The following COXFA4 variants were observed in gnomAD, a reference collection of about 807,000 sequenced individuals.
The protein encoded by COXFA4 is cytochrome c oxidase subunit FA4.
chr7:10,935,415 G>A, the COXFA4 span, among the ~76,000 whole-genome samples: 1 of 152,166 alleles, frequency 6.6e-6, no homozygotes, highest in Non-Finnish European at 1.5e-5. Flanking sequence ...GGCCTTTAAT[G>A]CTCAAATCTT....
At chr7:10,934,266 C>T in the COXFA4 span, among the ~76,000 whole-genome samples, 15 of 151,800 alleles carry the variant, frequency 9.9e-5, no homozygotes, top group Non-Finnish European at 2.1e-4. Context: ...GACACTTCAA[C>T]TCTGGTAATG....
chr7:10,932,711 T>G, the COXFA4 span: 6 of 152,170 alleles, frequency 3.9e-5, no homozygotes, highest in African/African-American at 1.4e-4. Context: ...GGCTCACGCC[T>G]GTAATCCCAG....
At chr7:10,938,323 A>G in the COXFA4 span, 26 of 589,710 alleles carry the variant, frequency 4.4e-5, no homozygotes, top group Admixed American at 3.4e-4. Flanking sequence ...CATGTAATCA[A>G]TTAGAAAAAA....
At chr7:10,934,984 T>G in the COXFA4 span, among the ~76,000 whole-genome samples, 1 of 152,222 alleles carries the variant, frequency 6.6e-6, no homozygotes, top group African/African-American at 2.4e-5. Flanking sequence ...CAGGTATATA[T>G]TAAGGACAGG....
chr7:10,938,182 A>G, the COXFA4 span: 1 of 1,565,628 alleles, frequency 6.4e-7, no homozygotes, highest in African/African-American at 1.4e-5. Context: ...TGTTATAATA[A>G]TAAAGCACTA....
chr7:10,932,516 C>T, the COXFA4 span: 2 of 152,242 alleles, frequency 1.3e-5, no homozygotes, highest in Non-Finnish European at 2.9e-5. Flanking sequence ...TGTGCTTCTA[C>T]TACCCTGTAA....
chr7:10,935,535 G>A, the COXFA4 span, among the ~76,000 whole-genome samples: 4 of 152,200 alleles, frequency 2.6e-5, no homozygotes, highest in African/African-American at 9.6e-5. Context: ...CAAAATTCAT[G>A]TTGTAACCTC....
the COXFA4 span, among the ~76,000 whole-genome samples, chr7:10,936,401 C>A: frequency 3.9e-5 from 6 of 152,334 alleles, no homozygotes; most frequent in African/African-American, 1.2e-4. Flanking sequence ...TTGAACTACA[C>A]ATACCCATAG....
At chr7:10,934,373 CT>C in the COXFA4 span, among the ~76,000 whole-genome samples, 2 of 101,610 alleles carry the variant, frequency 2.0e-5, no homozygotes, top group Admixed American at 1.9e-4. Flanking sequence ...ACTGTGATTG[CT>C]TTAAAAAAAA....
At chr7:10,940,015 C>T in the COXFA4 span, 3 of 1,613,864 alleles carry the variant, frequency 1.9e-6, no homozygotes, top group Non-Finnish European at 2.5e-6. Flanking sequence ...CACGAACTTA[C>T]GCTCGGATGC....
the COXFA4 span, chr7:10,940,151 TC>T: frequency 7.7e-7 from 1 of 1,300,188 alleles, no homozygotes. Flanking sequence ...ACTACGGACT[TC>T]CAAAGTCACC....
chr7:10,939,111 T>G, the COXFA4 span: 1 of 485,504 alleles, frequency 2.1e-6, no homozygotes, highest in African/African-American at 2.0e-5. Context: ...GATGTTAAGA[T>G]GACTCTGGTT....
At chr7:10,933,614 G>C in the COXFA4 span, 1 of 1,596,336 alleles carries the variant, frequency 6.3e-7, no homozygotes, top group Non-Finnish European at 8.6e-7. Context: ...TTCTAAAGCA[G>C]CGTTATAGTG....
the COXFA4 span, chr7:10,938,200 T>A: frequency 1.4e-6 from 2 of 1,458,802 alleles, no homozygotes; most frequent in Non-Finnish European, 1.9e-6. Context: ...CTATTTAGTG[T>A]TTTGTACTAA....
the COXFA4 span, chr7:10,939,945 G>C: frequency 5.8e-6 from 9 of 1,554,638 alleles, no homozygotes; most frequent in Non-Finnish European, 8.0e-6. Flanking sequence ...ACGTTCCCAG[G>C]GAACAGAAAG....
chr7:10,932,234 A>G, the COXFA4 span: 1 of 152,198 alleles, frequency 6.6e-6, no homozygotes, highest in Non-Finnish European at 1.5e-5. Context: ...GGTCTGCTAA[A>G]CCAAACTGTC....
the COXFA4 span, chr7:10,939,290 A>T: frequency 4.4e-6 from 1 of 224,916 alleles, no homozygotes; most frequent in Non-Finnish European, 9.0e-6. Flanking sequence ...AAATTATTTA[A>T]GGGTGCCTCT....
At chr7:10,938,042 T>C in the COXFA4 span, 2 of 1,543,430 alleles carry the variant, frequency 1.3e-6, no homozygotes, top group Non-Finnish European at 9.0e-7. Context: ...ATGACAAAAC[T>C]TATTACAACA....
At chr7:10,934,730 T>A in the COXFA4 span, among the ~76,000 whole-genome samples, 3 of 152,152 alleles carry the variant, frequency 2.0e-5, no homozygotes, top group Non-Finnish European at 4.4e-5. Flanking sequence ...TTAAGTATTT[T>A]ACTGACAAAA....
Sources: gnomAD v4.1 joint callset for allele counts (sites outside exome capture counted in the v4.1 genomes callset) on GRCh38, gnomAD v4.1.1 for gene constraint, MANE v1.5 for transcripts, NCBI Gene and HGNC (gene_info 2026-07-23, HGNC 2026-07-21) for gene names.